CEP83: variants seen among roughly 807,000 people sequenced by gnomAD.
The protein encoded by CEP83 is centrosomal protein of 83 kDa.
Under a neutral mutation model 101.9 loss-of-function variants are expected in CEP83, and 70 were observed. That is an observed-to-expected ratio of 0.69 (90% CI 0.57 to 0.84). CEP83 has a LOEUF of 0.84. Ranked by LOEUF, CEP83 falls within the 40% of genes least tolerant of loss-of-function variation. The pLI, the probability that CEP83 is intolerant of heterozygous loss-of-function variation, is 0.00. For missense variants in CEP83, 715 were observed against 787.2 expected (o/e 0.91, Z 1.10); for synonymous variants, 264 against 267.9 (o/e 0.99, Z 0.14).
At chr12:94,413,797 T>C (rs2064064831) in intron 2 of CEP83, among the ~76,000 whole-genome samples, 1 of 83,988 alleles carries the variant, frequency 1.2e-5, no homozygotes, top group African/African-American at 3.6e-5. Flanking sequence ...TTGTCTCCTT[T>C]AATTTCTTTC....
At chr12:94,405,461 C>T (rs975917242) in intron 4 of CEP83, among the ~76,000 whole-genome samples, 1 of 152,132 alleles carries the variant, frequency 6.6e-6, no homozygotes, top group Admixed American at 6.5e-5. Flanking sequence ...GTAGATAAAA[C>T]AAGCCTGGCT....
chr12:94,423,766 T>G (rs1017626849), intron 2 of CEP83: 30 of 1,613,378 alleles, frequency 1.9e-5, no homozygotes, highest in Non-Finnish European at 2.2e-5. Flanking sequence ...CTGGAAAGAA[T>G]AGACCCCATG....
intron 11 of CEP83, among the ~76,000 whole-genome samples, chr12:94,352,238 C>T (rs1405864532): frequency 6.6e-6 from 1 of 151,830 alleles, no homozygotes; most frequent in East Asian, 1.9e-4. Context: ...GGCCAACATA[C>T]TGAAACCCCG....
chr12:94,285,570 TG>T, the CEP83 span, among the ~76,000 whole-genome samples: 1 of 152,196 alleles, frequency 6.6e-6, no homozygotes, highest in Non-Finnish European at 1.5e-5. Flanking sequence ...TTTTGGAGTT[TG>T]TAAAAATCCC....
the CEP83 span, among the ~76,000 whole-genome samples, chr12:94,275,716 G>A: frequency 7.7e-6 from 1 of 129,602 alleles, no homozygotes; most frequent in Non-Finnish European, 1.6e-5. Flanking sequence ...TTAGCCGGGC[G>A]TAGTGGCGGG....
rs535132444 is a variant in CEP83, at chr12:94,312,806, T to A, written c.1811+108A>T. The A allele has an allele frequency of 6.6e-5, 83 of 1,252,346 alleles. No homozygotes were observed. The Admixed American group carries it at 9.1e-4, about 14-fold the overall frequency. 77.6% of individuals were successfully genotyped at this position (1,252,346 alleles called of 1,614,324 possible). ...AGGAGTTATCAAGCTGTTTTAGAAA[T>A]CTTTAAAATGTATATTTTAAAAGAA... On this transcript the variant is annotated intron_variant, in intron 15 of 16. Coordinates refer to ENST00000397809, the MANE Select transcript of CEP83 (RefSeq NM_016122.3).
intron 4 of CEP83, among the ~76,000 whole-genome samples, chr12:94,404,428 T>C (rs930057456): frequency 1.2e-4 from 18 of 152,120 alleles, no homozygotes; most frequent in Admixed American, 1.3e-4. Context: ...TCAGAGACTG[T>C]ATGGGAGAAA....
the CEP83 span, among the ~76,000 whole-genome samples, chr12:94,287,483 C>A: frequency 6.6e-6 from 1 of 152,208 alleles, no homozygotes; most frequent in South Asian, 2.1e-4. Context: ...CGAGTTATTG[C>A]ACCCGCACCC....
At chr12:94,297,460 T>G in the CEP83 span, 1 of 1,345,844 alleles carries the variant, frequency 7.4e-7, no homozygotes, top group South Asian at 1.2e-5. Flanking sequence ...TATGGCTACC[T>G]AGGGGGTGTA....
At chr12:94,312,223 T>C (rs1969973335) in intron 15 of CEP83, among the ~76,000 whole-genome samples, 1 of 152,224 alleles carries the variant, frequency 6.6e-6, no homozygotes, top group Admixed American at 6.5e-5. Context: ...TAGAAACTTC[T>C]AGAATGTTCT....
chr12:94,302,800 T>C (rs1420706637), downstream of CEP83, among the ~76,000 whole-genome samples: 1 of 152,208 alleles, frequency 6.6e-6, no homozygotes, highest in African/African-American at 2.4e-5. Context: ...AAATCTGTCT[T>C]TGCAACTAGA....
rs11107507 is a variant in CEP83, at chr12:94,331,033, C to G, written c.1707+667G>C. 7.9e-4 allele frequency among the ~76,000 whole-genome samples: 120 copies of G among 152,176 alleles called. 1 individual carries two copies. In the East Asian group the frequency reaches 0.022, roughly 28 times the overall value. On this transcript the variant is annotated intron_variant, in intron 14 of 16. Transcript: ENST00000397809. ...AGGATGGACGCGGTAGCTCACACCTCTTAATCCCAGCACTTTGGGAGGCTG... is the reference window on the plus strand; with the variant it reads ...AGGATGGACGCGGTAGCTCACACCTGTTAATCCCAGCACTTTGGGAGGCTG...
chr12:94,458,044 A>G (rs749734465), intron 1 of CEP83, among the ~76,000 whole-genome samples: 1 of 151,922 alleles, frequency 6.6e-6, no homozygotes, highest in Non-Finnish European at 1.5e-5. Context: ...TAAAAATACA[A>G]AAATTAGCAG....
chr12:94,286,616 C>CAAAA, the CEP83 span, among the ~76,000 whole-genome samples: 2 of 101,376 alleles, frequency 2.0e-5, no homozygotes, highest in African/African-American at 4.0e-5. Context: ...TGCTTAAAAG[C>CAAAA]AAAAAAAAAA....
chr12:94,328,998 T>C (rs1002675750), intron 14 of CEP83, among the ~76,000 whole-genome samples: 1 of 152,166 alleles, frequency 6.6e-6, no homozygotes, highest in Admixed American at 6.5e-5. Flanking sequence ...ACACATGATG[T>C]TTTTCTATTT....
rs917362580 is a variant in CEP83, at chr12:94,333,629, C to A, written c.1430G>T (p.Ser477Ile). The change falls in exon 13 of 17, where the codon AGT becomes ATT. Residue 477 changes from serine to isoleucine, a missense_variant. Physicochemically the swap from Ser to Ile is moderately radical, Grantham distance 142. Transcript: ENST00000397809. ...ENSDLKQQIS[S>I]LQIQVTSLAQ... ...AAGTGAAGTCACTTGGATCTGCAAA[C>A]TACTGATTTGCTTAAAAGAGAAGAA... 4 of 1,611,598 alleles carry A rather than the reference C, an allele frequency of 2.5e-6. No homozygotes were observed. Among genetic ancestry groups the A allele is most frequent in the Non-Finnish European group, 3.4e-6 (4 of 1,179,220 alleles).
the CEP83 span, among the ~76,000 whole-genome samples, chr12:94,275,482 C>T: frequency 2.6e-5 from 4 of 152,132 alleles, no homozygotes; most frequent in Non-Finnish European, 4.4e-5. Flanking sequence ...AGCAGAGGCC[C>T]GCGTGCACTT....
At chr12:94,439,054 T>C (rs558523427) in intron 1 of CEP83, among the ~76,000 whole-genome samples, 1 of 152,162 alleles carries the variant, frequency 6.6e-6, no homozygotes, top group Admixed American at 6.5e-5. Flanking sequence ...TAGCAATCAC[T>C]GTCTACAACA....
chr12:94,432,275 G>A (rs1648458667), intron 2 of CEP83, among the ~76,000 whole-genome samples: 2 of 151,690 alleles, frequency 1.3e-5, no homozygotes, highest in African/African-American at 4.8e-5. Context: ...TTTTAGCCAG[G>A]ACAGTCTCAA....
Sources: allele counts gnomAD v4.1 joint callset (sites outside exome capture counted in the v4.1 genomes callset), GRCh38; gene constraint gnomAD v4.1.1; transcripts MANE v1.5; gene names NCBI Gene and HGNC (gene_info 2026-07-23, HGNC 2026-07-21).